The following CSMD3 variants were observed in gnomAD, a reference collection of about 807,000 sequenced individuals.
CSMD3 encodes CUB and Sushi multiple domains 3, also known as CUB and sushi domain-containing protein 3.
A neutral mutation model predicts 435.2 loss-of-function variants in CSMD3; 177 were observed. The observed-to-expected ratio is 0.41, with a 90% CI of 0.36 to 0.46. The LOEUF (loss-of-function observed/expected upper bound fraction) is 0.46, where lower values mean the gene tolerates loss of function less well. Among genes scored for constraint, CSMD3 ranks in the 20% least tolerant of loss-of-function variants. The pLI, the probability that CSMD3 is intolerant of heterozygous loss-of-function variation, is 0.34. For missense variants in CSMD3, 4,265 were observed against 4,504.6 expected (o/e 0.95, Z 1.52); for synonymous variants, 1,656 against 1,520.5 (o/e 1.09, Z -2.07).
intron 5 of CSMD3, among the ~76,000 whole-genome samples, chr8:113,090,081 C>T (rs989965329): frequency 2.6e-5 from 4 of 151,944 alleles, no homozygotes; most frequent in African/African-American, 9.7e-5. Flanking sequence ...TTTAATGTTT[C>T]GCTTTTATGC....
At position 112,343,906 on chromosome 8, in the gene CSMD3, A is replaced by G. The variant is rs142786486; in HGVS notation, c.6442+2191T>C. ...TATTTATTTATTTATTTTTTGAGAT[A>G]GAGTCTTGCTCTGTTGCCCAGGCTG... is the stretch of plus-strand genomic sequence containing the variant. On this transcript the variant is annotated intron_variant, in intron 41 of 70. Coordinates refer to ENST00000297405, the MANE Select transcript of CSMD3 (RefSeq NM_198123.2). 7.2e-5 allele frequency among the ~76,000 whole-genome samples: 11 copies of G among 152,078 alleles called. 1 individual carries two copies. In the East Asian group the frequency reaches 1.9e-3, roughly 27 times the overall value.
chr8:113,112,409 A>G (rs190950558), intron 4 of CSMD3, among the ~76,000 whole-genome samples: 6 of 5,360 alleles, frequency 1.1e-3, no homozygotes, highest in Non-Finnish European at 1.2e-3. Flanking sequence ...ATATATATAT[A>G]TATATATATA....
chr8:112,589,651 C>T (rs899448686), intron 22 of CSMD3, among the ~76,000 whole-genome samples: 1 of 152,054 alleles, frequency 6.6e-6, no homozygotes, highest in Non-Finnish European at 1.5e-5. Flanking sequence ...TAAGTGTTGG[C>T]AAACTGTGAC....
intron 4 of CSMD3, among the ~76,000 whole-genome samples, chr8:113,141,177 T>A (rs894937168): frequency 4.0e-5 from 6 of 150,730 alleles, no homozygotes; most frequent in South Asian, 2.1e-4. Context: ...AGTATAATTT[T>A]AAAAAAAGTC....
At chr8:113,115,506 T>C (rs543200476) in intron 4 of CSMD3, among the ~76,000 whole-genome samples, 1 of 152,310 alleles carries the variant, frequency 6.6e-6, no homozygotes, top group South Asian at 2.1e-4. Context: ...TATAGCATAA[T>C]AGATTATTTT....
At chr8:113,168,347 C>T (rs965351744) in intron 4 of CSMD3, among the ~76,000 whole-genome samples, 2 of 151,360 alleles carry the variant, frequency 1.3e-5, no homozygotes, top group Non-Finnish European at 1.5e-5. Flanking sequence ...ATGGTCAAAC[C>T]CTGTCTCTAC....
At chr8:112,778,774 G>T (rs925813525) in intron 13 of CSMD3, among the ~76,000 whole-genome samples, 2 of 151,816 alleles carry the variant, frequency 1.3e-5, no homozygotes, top group Non-Finnish European at 2.9e-5. Context: ...TCTCAAAATG[G>T]CTATACCATT....
intron 35 of CSMD3, among the ~76,000 whole-genome samples, chr8:112,394,238 C>T (rs1256489371): frequency 3.3e-5 from 5 of 152,098 alleles, no homozygotes; most frequent in Non-Finnish European, 7.4e-5. Flanking sequence ...AATGGCTCCA[C>T]CTTAAAAATA....
intron 4 of CSMD3, among the ~76,000 whole-genome samples, chr8:113,112,608 T>C (rs182942207): frequency 2.0e-5 from 3 of 151,446 alleles, no homozygotes; most frequent in African/African-American, 7.3e-5. Flanking sequence ...GAAGTAGTCA[T>C]GAGACCGAAG....
At chr8:112,289,687 T>C in intron 56 of CSMD3, 149 bp from the exon 57 acceptor site, 1 of 586,640 alleles carries the variant, frequency 1.7e-6, no homozygotes, top group East Asian at 2.9e-5. Context: ...GAAGGTGTCT[T>C]TTTAAAAACA....
At chr8:112,426,117 G>T (rs2130343086) in intron 32 of CSMD3, among the ~76,000 whole-genome samples, 1 of 152,184 alleles carries the variant, frequency 6.6e-6, no homozygotes, top group South Asian at 2.1e-4. Context: ...AAAAAAGTGA[G>T]CTGCAATAGT....
At position 112,406,700 on chromosome 8, in the gene CSMD3, C is replaced by T; in HGVS notation, c.5633G>A (p.Cys1878Tyr). Residue 1878 changes from cysteine (C) to tyrosine (Y), a missense_variant, in exon 35 of 71, where the codon TGC becomes TAC. Coordinates refer to ENST00000297405, the MANE Select transcript of CSMD3 (RefSeq NM_198123.2). The stretch of plus-strand genomic sequence containing the variant: ...GAATCTTGGTTCAGGCACAGAACTG[C>T]ATTGTGTAGAACTTGTTCTAGGAAC... ...QAVPRTSSTQ[C>Y]SSVPEPRFGR... 1 of 1,609,322 alleles carries T rather than the reference C, an allele frequency of 6.2e-7. No homozygotes were observed. Among genetic ancestry groups the T allele is most frequent in the Non-Finnish European group, 8.5e-7 (1 of 1,176,602 alleles).
intron 13 of CSMD3, among the ~76,000 whole-genome samples, chr8:112,713,840 G>A (rs1170733857): frequency 6.6e-6 from 1 of 152,110 alleles, no homozygotes; most frequent in African/African-American, 2.4e-5. Context: ...CATAAGGGAA[G>A]GAGAAATAAC....
At chr8:112,674,425 T>C (rs1353122033) in intron 16 of CSMD3, among the ~76,000 whole-genome samples, 1 of 152,064 alleles carries the variant, frequency 6.6e-6, no homozygotes, top group Non-Finnish European at 1.5e-5. Context: ...AAATGAGTTG[T>C]TTGCAAAGGC....
chr8:112,547,313 T>C (rs1050974305), intron 27 of CSMD3, among the ~76,000 whole-genome samples: 1 of 152,068 alleles, frequency 6.6e-6, no homozygotes, highest in Non-Finnish European at 1.5e-5. Context: ...TATTAATATA[T>C]TTGGGGGCGC....
intron 5 of CSMD3, among the ~76,000 whole-genome samples, chr8:113,022,966 T>C (rs757337650): frequency 1.1e-4 from 16 of 152,088 alleles, no homozygotes; most frequent in Non-Finnish European, 2.1e-4. Flanking sequence ...TCTATTGTAA[T>C]TAATCCTTTA....
At chr8:113,024,523 A>G (rs1257772444) in intron 5 of CSMD3, among the ~76,000 whole-genome samples, 1 of 152,122 alleles carries the variant, frequency 6.6e-6, no homozygotes, top group Non-Finnish European at 1.5e-5. Flanking sequence ...TTTTTTGAGG[A>G]ACATACATAC....
chr8:112,594,653 G>A (rs1389721691), intron 22 of CSMD3, among the ~76,000 whole-genome samples: 3 of 152,182 alleles, frequency 2.0e-5, no homozygotes, highest in Admixed American at 6.5e-5. Flanking sequence ...CTCCCAGCAC[G>A]CAGCTGGAGA....
intron 6 of CSMD3, among the ~76,000 whole-genome samples, chr8:112,980,624 T>G (rs1206930237): frequency 6.6e-6 from 1 of 151,456 alleles, no homozygotes; most frequent in East Asian, 1.9e-4. Flanking sequence ...GTTTGTTATT[T>G]TTTTCTTCTT....
Sources: gnomAD v4.1 joint callset for allele counts (sites outside exome capture counted in the v4.1 genomes callset) on GRCh38, gnomAD v4.1.1 for gene constraint, MANE v1.5 for transcripts, NCBI Gene and HGNC (gene_info 2026-07-23, HGNC 2026-07-21) for gene names.